DLG2: variants seen among roughly 807,000 people sequenced by gnomAD.
DLG2 encodes the protein discs large MAGUK scaffold protein 2.
In DLG2, 45 loss-of-function variants were observed where a neutral mutation model predicts 132.5. The observed-to-expected ratio is 0.34, with a 90% CI of 0.27 to 0.44. The LOEUF is 0.44. Ranked by LOEUF, DLG2 falls within the 20% of genes least tolerant of loss-of-function variation. DLG2 has a pLI of 1.00. For synonymous variants in DLG2, 424 were observed against 419.6 expected, an observed-to-expected ratio of 1.01 and a Z score of -0.13; for missense variants, 1,045 against 1,196.9, an observed-to-expected ratio of 0.87 and a Z score of 1.87.
At chr11:84,005,975 G>T (rs1364252432) in intron 11 of DLG2, among the ~76,000 whole-genome samples, 1 of 151,590 alleles carries the variant, frequency 6.6e-6, no homozygotes, top group Non-Finnish European at 1.5e-5. Flanking sequence ...CTCACTACTG[G>T]GTATCTATCC....
intron 18 of DLG2, among the ~76,000 whole-genome samples, chr11:83,737,359 A>T (rs886832783): frequency 2.0e-5 from 3 of 152,150 alleles, no homozygotes; most frequent in Non-Finnish European, 4.4e-5. Context: ...AAAAGCAATT[A>T]ATCAGACAAA....
chr11:83,582,974 T>C (rs964693223), intron 19 of DLG2, among the ~76,000 whole-genome samples: 1 of 152,202 alleles, frequency 6.6e-6, no homozygotes, highest in African/African-American at 2.4e-5. Context: ...AAGTGACTTA[T>C]CTAAATCTCA....
chr11:84,559,628 C>T (rs2099419321), intron 6 of DLG2, among the ~76,000 whole-genome samples: 1 of 151,936 alleles, frequency 6.6e-6, no homozygotes, highest in South Asian at 2.1e-4. Context: ...AATTGTAATC[C>T]CTTCTAATTA....
At chr11:84,935,182 C>A (rs1246658707) in intron 6 of DLG2, among the ~76,000 whole-genome samples, 1 of 152,180 alleles carries the variant, frequency 6.6e-6, no homozygotes, top group Non-Finnish European at 1.5e-5. Context: ...AATGTTTTCA[C>A]CAGATTCACA....
intron 6 of DLG2, among the ~76,000 whole-genome samples, chr11:84,597,613 T>C (rs1332132132): frequency 6.6e-6 from 1 of 152,178 alleles, no homozygotes; most frequent in Non-Finnish European, 1.5e-5. Context: ...GCTAAGATGA[T>C]ATGGCAGTGG....
intron 6 of DLG2, among the ~76,000 whole-genome samples, chr11:85,037,957 A>G (rs1345188512): frequency 1.3e-5 from 2 of 152,144 alleles, no homozygotes; most frequent in South Asian, 2.1e-4. Flanking sequence ...AGGTTCTCAG[A>G]CAGCAAACAT....
chr11:85,319,196 C>A (rs1218737980), intron 3 of DLG2, among the ~76,000 whole-genome samples: 1 of 151,766 alleles, frequency 6.6e-6, no homozygotes, highest in Admixed American at 6.6e-5. Context: ...TCTTAACAGT[C>A]TCAAACCACA....
At chr11:84,073,690 T>C (rs1386326503) in intron 10 of DLG2, among the ~76,000 whole-genome samples, 1 of 152,228 alleles carries the variant, frequency 6.6e-6, no homozygotes, top group East Asian at 1.9e-4. Flanking sequence ...AGTTCTTGTT[T>C]ATTATTCTCA....
intron 7 of DLG2, among the ~76,000 whole-genome samples, chr11:84,417,969 A>G (rs1410154554): frequency 6.6e-6 from 1 of 152,202 alleles, no homozygotes; most frequent in African/African-American, 2.4e-5. Context: ...TATACACTTT[A>G]CATGTAATAT....
intron 17 of DLG2, among the ~76,000 whole-genome samples, chr11:83,789,015 G>T (rs781429851): frequency 3.9e-5 from 6 of 152,028 alleles, no homozygotes; most frequent in Non-Finnish European, 7.4e-5. Context: ...ATTATAATAG[G>T]CAAACTATAA....
chr11:84,989,861 C>T (rs143479672), intron 6 of DLG2, among the ~76,000 whole-genome samples: 4 of 152,172 alleles, frequency 2.6e-5, no homozygotes, highest in South Asian at 2.1e-4. Context: ...AGGTAAAAAA[C>T]GATCCAGTGA....
At position 84,527,290 on chromosome 11, in the gene DLG2, C is replaced by T. The variant is rs1176087422; in HGVS notation, c.519+7280G>A. 2.0e-5 allele frequency among the ~76,000 whole-genome samples: 3 copies of T among 152,134 alleles called. No individual in the cohort carries two copies. In the East Asian group the frequency reaches 5.8e-4, roughly 29 times the overall value. On this transcript the variant is annotated intron_variant, in intron 7 of 27. Coordinates refer to ENST00000376104, the MANE Select transcript of DLG2 (RefSeq NM_001142699.3). ...ATGTAGGAAGAGGGTTTTTATTGTACTTTTGGCTAAAACATACTTTCCTAT... is the reference window on the plus strand; with the variant it reads ...ATGTAGGAAGAGGGTTTTTATTGTATTTTTGGCTAAAACATACTTTCCTAT...
intron 6 of DLG2, among the ~76,000 whole-genome samples, chr11:84,866,347 G>A (rs1600237184): frequency 6.6e-6 from 1 of 152,280 alleles, no homozygotes; most frequent in East Asian, 1.9e-4. Context: ...GGAGACCAAA[G>A]CCAAAGCCAG....
chr11:83,965,679 A>G (rs2090009828), intron 12 of DLG2, among the ~76,000 whole-genome samples: 1 of 152,022 alleles, frequency 6.6e-6, no homozygotes, highest in African/African-American at 2.4e-5. Flanking sequence ...TAAATGAGGA[A>G]GTGATATACA....
At chr11:85,083,473 A>G (rs148183705) in intron 6 of DLG2, among the ~76,000 whole-genome samples, 136 of 152,300 alleles carry the variant, frequency 8.9e-4, no homozygotes, top group African/African-American at 2.7e-3. Flanking sequence ...TATTCCCATG[A>G]CATGGCTTCA....
intron 3 of DLG2, among the ~76,000 whole-genome samples, chr11:85,386,348 G>A (rs1223005072): frequency 1.3e-5 from 2 of 152,098 alleles, no homozygotes; most frequent in Admixed American, 1.3e-4. Flanking sequence ...AGATAAAATA[G>A]TTTGATCAAA....
chr11:85,208,872 G>A (rs768876174), intron 4 of DLG2, among the ~76,000 whole-genome samples: 3 of 151,984 alleles, frequency 2.0e-5, no homozygotes, highest in Admixed American at 6.6e-5. Flanking sequence ...AGGGCTCTCC[G>A]GGGAGAGGTG....
chr11:84,995,999 T>C (rs965845548), intron 6 of DLG2, among the ~76,000 whole-genome samples: 1 of 152,200 alleles, frequency 6.6e-6, no homozygotes, highest in Non-Finnish European at 1.5e-5. Flanking sequence ...AGCTGACTGA[T>C]CATCTCTTCG....
At chr11:84,396,412 T>C (rs1461074202) in intron 7 of DLG2, among the ~76,000 whole-genome samples, 3 of 152,204 alleles carry the variant, frequency 2.0e-5, no homozygotes, top group African/African-American at 7.2e-5. Context: ...GGTGCAATTG[T>C]TTTTGTTTTT....
Sources: allele counts gnomAD v4.1 joint callset (sites outside exome capture counted in the v4.1 genomes callset), GRCh38; gene constraint gnomAD v4.1.1; transcripts MANE v1.5; gene names NCBI Gene and HGNC (gene_info 2026-07-23, HGNC 2026-07-21).